Variants in TDRD10 observed in about 807,000 individuals in gnomAD.
The protein encoded by TDRD10 is tudor domain containing 10.
Under a neutral mutation model 48.0 loss-of-function variants are expected in TDRD10, and 40 were observed. The ratio of observed to expected loss-of-function variants is 0.83; its 90% CI spans 0.65 to 1.09. The LOEUF (loss-of-function observed/expected upper bound fraction) is 1.09. Ranked by LOEUF, TDRD10 falls within the 50% of genes least tolerant of loss-of-function variation. The probability of loss-of-function intolerance (pLI) is 0.00; values close to 1 mark genes in which losing one functional copy is unlikely to be tolerated. For missense variants in TDRD10, 378 were observed against 434.7 expected (o/e 0.87, Z 1.16); for synonymous variants, 162 against 170.4 (o/e 0.95, Z 0.38).
At chr1:154,541,727 C>G (rs41313910) in intron 6 of TDRD10, among the ~76,000 whole-genome samples, 28,921 of 152,200 alleles carry the variant, frequency 0.19, 2,995 homozygotes, top group South Asian at 0.23. Context: ...CTTTCTGCCC[C>G]TGTCTGGGGA....
In TDRD10 at chr1:154,514,618, C is replaced by T. The variant is rs957509230; in HGVS notation, c.142-5686C>T. Among the ~76,000 whole-genome samples, 9 of 152,266 alleles carry T rather than the reference C, an allele frequency of 5.9e-5. No homozygotes were observed. In the East Asian group the frequency reaches 7.7e-4, roughly 13 times the overall value. ...TGGCACCTATTGTCATGCCACTGCT[C>T]GCACCCCGGCCAACCCACTGCTGTC... On this transcript the variant is annotated intron_variant, in intron 4 of 12. Transcript: ENST00000368482.
At chr1:154,542,850 G>A in intron 8 of TDRD10, 29 bp downstream of exon 8, 1 of 1,573,372 alleles carries the variant, frequency 6.4e-7, no homozygotes, top group Non-Finnish European at 8.7e-7. Flanking sequence ...GACCACCAGG[G>A]CAAATGGCGA....
At chr1:154,532,652 A>G (rs1341031611) in intron 6 of TDRD10, among the ~76,000 whole-genome samples, 1 of 151,926 alleles carries the variant, frequency 6.6e-6, no homozygotes, top group Non-Finnish European at 1.5e-5. Context: ...TTTTCATTCC[A>G]TGTGAAATTT....
At chr1:154,509,849 G>C in intron 4 of TDRD10, 1 of 985,400 alleles carries the variant, frequency 1.0e-6, no homozygotes, top group Non-Finnish European at 1.2e-6. Flanking sequence ...CCTACATGTG[G>C]TTCCTGCAGT....
chr1:154,533,527 T>G (rs752984259), intron 6 of TDRD10, among the ~76,000 whole-genome samples: 2 of 152,122 alleles, frequency 1.3e-5, no homozygotes, highest in Non-Finnish European at 2.9e-5. Context: ...TTTCAGAGTC[T>G]TCTTATGTTT....
chr1:154,520,271 T>C, intron 4 of TDRD10, 33 bp from the exon 5 acceptor site: 19 of 1,518,944 alleles, frequency 1.3e-5, no homozygotes, highest in Non-Finnish European at 1.6e-5. Flanking sequence ...GTTATGTCTC[T>C]GGGTCTCTCT....
intron 4 of TDRD10, among the ~76,000 whole-genome samples, chr1:154,517,847 C>T (rs890961427): frequency 6.6e-6 from 1 of 152,142 alleles, no homozygotes; most frequent in Non-Finnish European, 1.5e-5. Flanking sequence ...GTGCGAGGTG[C>T]GAGTGCCTCT....
chr1:154,518,116 A>G (rs1693869933), intron 4 of TDRD10, among the ~76,000 whole-genome samples: 2 of 152,330 alleles, frequency 1.3e-5, no homozygotes, highest in South Asian at 2.1e-4. Context: ...CAGGCTATCG[A>G]TCCCTTAAAC....
chr1:154,508,424 A>G lies in TDRD10; in HGVS notation c.84A>G (p.Gly28=). Residue 28 remains glycine, a splice_region_variant and synonymous_variant, in exon 4 of 13, where the codon GGA becomes GGG. Coordinates refer to ENST00000368482, the MANE Select transcript of TDRD10 (RefSeq NM_182499.4). ...NGVLEEQKSP[G]FKKRETEVYV... ...ATTTAATGCTGTTTTTCTTCTTAGG[A>G]TTCAAGAAAAGAGAGACAGAGGTGT... 6.2e-7 allele frequency: 1 copy of G among 1,605,310 alleles called. No individual in the cohort carries two copies. Among genetic ancestry groups the G allele is most frequent in the South Asian group, 1.1e-5 (1 of 90,904 alleles).
intron 6 of TDRD10, among the ~76,000 whole-genome samples, chr1:154,522,091 A>C (rs961774807): frequency 3.9e-5 from 6 of 152,236 alleles, no homozygotes; most frequent in Middle Eastern, 3.2e-3. Context: ...TTGGCTGCAC[A>C]TACGAGGAAA....
rs1695443162 is a variant in TDRD10 at position 154,544,534 on chromosome 1, G to A, written c.797+17G>A. 1 of 1,611,724 alleles carries A rather than the reference G, an allele frequency of 6.2e-7. No individual in the cohort carries two copies. Among genetic ancestry groups the A allele is most frequent in the East Asian group, 2.2e-5 (1 of 44,808 alleles). On this transcript the variant is annotated intron_variant, in intron 10 of 12. Transcript: ENST00000368482. The stretch of plus-strand genomic sequence containing the variant: ...CTGGAACAGGTGTGTGCCTGGGCAG[G>A]GGTAGAGTCTATGGGAGAGGCGTGC...
At chr1:154,515,057 G>A (rs1220534605) in intron 4 of TDRD10, among the ~76,000 whole-genome samples, 4 of 151,692 alleles carry the variant, frequency 2.6e-5, no homozygotes, top group Non-Finnish European at 5.9e-5. Flanking sequence ...TAGTAGAGAC[G>A]GGGCTTCACC....
intron 10 of TDRD10, 108 bp downstream of exon 10, chr1:154,544,625 C>T: frequency 6.7e-7 from 1 of 1,486,876 alleles, no homozygotes; most frequent in African/African-American, 1.4e-5. Context: ...GTGGCTTCTT[C>T]TCTCAAAATC....
At chr1:154,541,329 G>A (rs997630143) in intron 6 of TDRD10, among the ~76,000 whole-genome samples, 1 of 152,100 alleles carries the variant, frequency 6.6e-6, no homozygotes, top group Non-Finnish European at 1.5e-5. Flanking sequence ...AGGGAGTCCT[G>A]TCTCATTGCT....
At chr1:154,537,745 C>G (rs1189654961) in intron 6 of TDRD10, among the ~76,000 whole-genome samples, 1 of 152,124 alleles carries the variant, frequency 6.6e-6, no homozygotes, top group Non-Finnish European at 1.5e-5. Flanking sequence ...GGCCACCAAC[C>G]TTTGTATTTT....
chr1:154,521,249 C>G (rs1205590881), intron 5 of TDRD10, 74 bp from the exon 6 acceptor site: 3 of 1,507,356 alleles, frequency 2.0e-6, no homozygotes, highest in Non-Finnish European at 2.7e-6. Context: ...CCAGCTTGGG[C>G]TTGGTGCCTC....
At chr1:154,523,967 AT>A (rs1694182115) in intron 6 of TDRD10, among the ~76,000 whole-genome samples, 2 of 151,900 alleles carry the variant, frequency 1.3e-5, no homozygotes, top group Admixed American at 1.3e-4. Context: ...TTCAACTTCC[AT>A]TTTATTCTTT....
chr1:154,532,561 C>T (rs1018260130), intron 6 of TDRD10, among the ~76,000 whole-genome samples: 1 of 152,230 alleles, frequency 6.6e-6, no homozygotes, highest in Non-Finnish European at 1.5e-5. Context: ...CAAGCGCGGC[C>T]AGAATGGGCG....
intron 1 of TDRD10, among the ~76,000 whole-genome samples, chr1:154,505,308 C>T (rs770917706): frequency 6.6e-6 from 1 of 152,190 alleles, no homozygotes; most frequent in Non-Finnish European, 1.5e-5. Flanking sequence ...GCATCTTGCA[C>T]GGATTTATGC....
Sources: gnomAD v4.1 joint callset for allele counts (sites outside exome capture counted in the v4.1 genomes callset) on GRCh38, gnomAD v4.1.1 for gene constraint, MANE v1.5 for transcripts, NCBI Gene and HGNC (gene_info 2026-07-23, HGNC 2026-07-21) for gene names.